ANKRD30BL: variants seen among roughly 807,000 people sequenced by gnomAD.
ANKRD30BL encodes the protein putative ankyrin repeat domain-containing protein 30B-like.
A neutral mutation model predicts 18.4 loss-of-function variants in ANKRD30BL; 20 were observed. That is an observed-to-expected ratio of 1.09 (90% CI 0.77 to 1.58). The LOEUF is 1.58. ANKRD30BL is among the 40% of genes most tolerant of loss of function. The probability of loss-of-function intolerance (pLI) is 0.00; values close to 1 mark genes in which losing one functional copy is unlikely to be tolerated. For synonymous variants in ANKRD30BL, 72 were observed against 100.9 expected, an observed-to-expected ratio of 0.71 and a Z score of 1.72; for missense variants, 224 against 268.6, an observed-to-expected ratio of 0.83 and a Z score of 1.16.
intron 1 of ANKRD30BL, among the ~76,000 whole-genome samples, chr2:132,186,810 G>A (rs559527241): frequency 2.0e-5 from 3 of 152,026 alleles, no homozygotes; most frequent in South Asian, 2.1e-4. Context: ...GCCAAAGTTC[G>A]TTAAGTTAAA....
chr2:132,188,600 C>T (rs1678767032), intron 1 of ANKRD30BL, among the ~76,000 whole-genome samples: 1 of 152,076 alleles, frequency 6.6e-6, no homozygotes, highest in Non-Finnish European at 1.5e-5. Flanking sequence ...ATCCCAGCTA[C>T]TCAGGAGGTT....
rs536856326 is a variant in ANKRD30BL, at chr2:132,219,266, A to G, written n.441+38263T>C. 1.5e-3 allele frequency among the ~76,000 whole-genome samples: 233 copies of G among 151,956 alleles called. 1 individual carries two copies. The highest frequency in any genetic ancestry group is 5.3e-3 in the African/African-American group (220 of 41,304). On this transcript the variant is annotated intron_variant and non_coding_transcript_variant, in intron 1 of 4. Transcript: ENST00000470729. ...AGACACTCTTTTCACAGGATCTGCA[A>G]GTGGATATTTGGACTGCTTACCAGC...
intron 1 of ANKRD30BL, among the ~76,000 whole-genome samples, chr2:132,196,444 TG>T (rs201775650): frequency 1.9e-4 from 27 of 141,786 alleles, no homozygotes; most frequent in African/African-American, 8.4e-4. Flanking sequence ...AGTAAGACTC[TG>T]GGGGAAAAAA....
chr2:132,254,348 A>T (rs543476655), intron 1 of ANKRD30BL, among the ~76,000 whole-genome samples: 2 of 152,254 alleles, frequency 1.3e-5, no homozygotes, highest in East Asian at 3.9e-4. Context: ...CTTCTCTGTT[A>T]ATGATCCCTC....
chr2:132,186,252 A>G (rs1390006040), intron 1 of ANKRD30BL, among the ~76,000 whole-genome samples: 1 of 152,202 alleles, frequency 6.6e-6, no homozygotes, highest in African/African-American at 2.4e-5. Flanking sequence ...ATAGTTAATA[A>G]GAAAAACATA....
intron 1 of ANKRD30BL, among the ~76,000 whole-genome samples, chr2:132,197,438 G>A (rs1249913010): frequency 6.6e-5 from 10 of 151,644 alleles, no homozygotes; most frequent in African/African-American, 1.5e-4. Context: ...TTTATGAATC[G>A]ATTTATATTT....
At chr2:132,257,226 T>G (rs367724113) in intron 1 of ANKRD30BL, 1 of 392,832 alleles carries the variant, frequency 2.5e-6, no homozygotes, top group African/African-American at 2.2e-5. Flanking sequence ...TGCCCCCCAC[T>G]TGGGACGCTT....
intron 1 of ANKRD30BL, among the ~76,000 whole-genome samples, chr2:132,170,393 C>T (rs1021108359): frequency 1.3e-5 from 2 of 152,112 alleles, no homozygotes; most frequent in African/African-American, 4.8e-5. Context: ...AGATTGAATC[C>T]CAGCCTCCGT....
chr2:132,164,032 G>A (rs368679509), upstream of ANKRD30BL, among the ~76,000 whole-genome samples: 1 of 151,868 alleles, frequency 6.6e-6, no homozygotes, highest in Admixed American at 6.6e-5. Context: ...TGATCATTCC[G>A]GCCTTCTCCC....
chr2:132,165,558 C>CAAAAAAA (rs71001174), upstream of ANKRD30BL, among the ~76,000 whole-genome samples: 4 of 135,158 alleles, frequency 3.0e-5, no homozygotes, highest in African/African-American at 1.1e-4. Context: ...TAGTAAAATA[C>CAAAAAAA]AAAAAAAAAA....
At chr2:132,164,809 C>T (rs1558916677), upstream of ANKRD30BL, among the ~76,000 whole-genome samples, 1 of 152,248 alleles carries the variant, frequency 6.6e-6, no homozygotes, top group South Asian at 2.1e-4. Flanking sequence ...CAGTGGCTCA[C>T]GCCTGTAATC....
chr2:132,169,574 G>T (rs1332466997), intron 1 of ANKRD30BL, among the ~76,000 whole-genome samples: 1 of 149,658 alleles, frequency 6.7e-6, no homozygotes, highest in East Asian at 2.0e-4. Flanking sequence ...TTGAACCCAG[G>T]AGGCAGATGT....
At chr2:132,164,241 T>C (rs1054017619), upstream of ANKRD30BL, among the ~76,000 whole-genome samples, 14 of 151,648 alleles carry the variant, frequency 9.2e-5, no homozygotes, top group Non-Finnish European at 2.1e-4. Flanking sequence ...TCAGTCTTCA[T>C]GCATTTTCTT....
chr2:132,177,257 G>T (rs1295009010), intron 1 of ANKRD30BL, among the ~76,000 whole-genome samples: 1 of 151,990 alleles, frequency 6.6e-6, no homozygotes, highest in Non-Finnish European at 1.5e-5. Flanking sequence ...GGGTTCAAGC[G>T]ATTCTCCTGC....
intron 1 of ANKRD30BL, among the ~76,000 whole-genome samples, chr2:132,220,934 C>G (rs1198425984): frequency 6.6e-6 from 1 of 151,700 alleles, no homozygotes; most frequent in Non-Finnish European, 1.5e-5. Flanking sequence ...TCTTCCCGGC[C>G]GCCATCCCAT....
At chr2:132,226,909 G>A (rs1467521526) in intron 1 of ANKRD30BL, among the ~76,000 whole-genome samples, 2 of 151,770 alleles carry the variant, frequency 1.3e-5, no homozygotes, top group African/African-American at 4.8e-5. Context: ...ACTTCTTTGT[G>A]ATGTTTGCAT....
At chr2:132,222,864 A>AAAAAG (rs1679732182) in intron 1 of ANKRD30BL, among the ~76,000 whole-genome samples, 1 of 144,500 alleles carries the variant, frequency 6.9e-6, no homozygotes, top group South Asian at 2.1e-4. Flanking sequence ...AAAAAAAAAA[A>AAAAAG]GAAACACTGT....
At chr2:132,238,583 G>T (rs1161881345) in intron 1 of ANKRD30BL, among the ~76,000 whole-genome samples, 1 of 151,726 alleles carries the variant, frequency 6.6e-6, no homozygotes, top group Non-Finnish European at 1.5e-5. Context: ...GAAACTTGGT[G>T]CTCTTTGAAG....
chr2:132,185,893 T>G (rs971833990), intron 1 of ANKRD30BL, among the ~76,000 whole-genome samples: 2 of 152,108 alleles, frequency 1.3e-5, no homozygotes, highest in African/African-American at 4.8e-5. Flanking sequence ...GTAATCCCAG[T>G]ACTTTAGGAG....
Sources: gnomAD v4.1 joint callset for allele counts (sites outside exome capture counted in the v4.1 genomes callset) on GRCh38, gnomAD v4.1.1 for gene constraint, MANE v1.5 for transcripts, NCBI Gene and HGNC (gene_info 2026-07-23, HGNC 2026-07-21) for gene names.